The following CILK1 variants were observed in gnomAD, a reference collection of about 807,000 sequenced individuals.
The protein encoded by CILK1 is serine/threonine-protein kinase ICK.
CILK1 carries 47 observed loss-of-function variants against 79.2 expected under a neutral mutation model. The ratio of observed to expected loss-of-function variants is 0.59; its 90% CI spans 0.47 to 0.76. The LOEUF is 0.76. Among genes scored for constraint, CILK1 ranks in the 30% least tolerant of loss-of-function variants. The pLI, the probability that CILK1 is intolerant of heterozygous loss-of-function variation, is 0.00. For missense variants in CILK1, 660 were observed against 769.5 expected (o/e 0.86, Z 1.68); for synonymous variants, 266 against 275.9 (o/e 0.96, Z 0.36).
intron 1 of CILK1, among the ~76,000 whole-genome samples, chr6:53,044,787 T>TCCCCCACACA (rs372138691): frequency 5.3e-5 from 8 of 152,056 alleles, no homozygotes; most frequent in African/African-American, 1.9e-4. Flanking sequence ...CTTTTACCTC[T>TCCCCCACACA]CCCCCACACA....
At chr6:53,010,611 C>G (rs1371471738) in intron 11 of CILK1, among the ~76,000 whole-genome samples, 1 of 152,206 alleles carries the variant, frequency 6.6e-6, no homozygotes, top group Non-Finnish European at 1.5e-5. Context: ...TCTGCCATTC[C>G]TCTCACAGGA....
rs1344151929 is a variant in CILK1, at chr6:53,009,500, A to G, written c.1560T>C (p.Ser520=). 1 of 1,612,748 alleles carries G rather than the reference A, an allele frequency of 6.2e-7. No individual in the cohort carries two copies. The highest frequency in any genetic ancestry group is 8.5e-7 in the Non-Finnish European group (1 of 1,178,768). Residue 520 remains serine, a synonymous_variant, in exon 12 of 14, where the codon TCT becomes TCC. Transcript: ENST00000676107. ...GKEFIPPNPW[S]SSGLSGKSSG... The stretch of plus-strand genomic sequence containing the variant: ...AAGATTTTCCAGACAAGCCAGAACT[A>G]GACCATGGATTAGGTGGAATAAATT...
chr6:53,029,953 G>A (rs147036266), intron 5 of CILK1, among the ~76,000 whole-genome samples: 46 of 152,264 alleles, frequency 3.0e-4, no homozygotes, highest in African/African-American at 1.0e-3. Context: ...CTGTGGATAC[G>A]TCCATCTGGT....
intron 5 of CILK1, among the ~76,000 whole-genome samples, chr6:53,026,220 A>G (rs1765564572): frequency 6.6e-6 from 1 of 152,214 alleles, no homozygotes; most frequent in Admixed American, 6.5e-5. Flanking sequence ...GCTGGAGTAC[A>G]GTGGTGCCAT....
chr6:53,004,697 C>T lies in CILK1; in HGVS notation c.*452G>A. ...AATTTCACCACTTCATAAATATCTG[C>T]ACACACTGAGTAAATAACCCTCTAT... is the stretch of plus-strand genomic sequence containing the variant. On this transcript the variant is annotated 3_prime_UTR_variant, in exon 14 of 14. Coordinates refer to ENST00000676107, the MANE Select transcript of CILK1 (RefSeq NM_014920.5). 1 of 169,288 alleles carries T rather than the reference C, an allele frequency of 5.9e-6. No homozygotes were observed. Among genetic ancestry groups the T allele is most frequent in the South Asian group, 1.4e-4 (1 of 7,106 alleles). The allele number at this position is 169,288 out of a possible 1,614,324, so 10.5% of individuals were successfully genotyped here. A position where few individuals can be genotyped will look rare whatever the true frequency, so the allele number is the denominator to read the frequency against.
chr6:53,015,426 G>A (rs1022483116), intron 8 of CILK1, among the ~76,000 whole-genome samples: 2 of 152,132 alleles, frequency 1.3e-5, no homozygotes, highest in African/African-American at 2.4e-5. Context: ...TCATACTTCC[G>A]GTCAGTTGGT....
At chr6:53,030,006 T>A (rs1765831347) in intron 5 of CILK1, among the ~76,000 whole-genome samples, 1 of 152,140 alleles carries the variant, frequency 6.6e-6, no homozygotes, top group Admixed American at 6.5e-5. Context: ...CCCAGCTGGG[T>A]CTGTGTCTAG....
intron 1 of CILK1, among the ~76,000 whole-genome samples, chr6:53,043,334 A>G (rs1397683905): frequency 6.6e-6 from 1 of 151,206 alleles, no homozygotes; most frequent in African/African-American, 2.4e-5. Context: ...ATATATATAT[A>G]TTAAAAAATA....
chr6:53,040,218 C>T (rs1379847146), intron 2 of CILK1, among the ~76,000 whole-genome samples: 1 of 152,190 alleles, frequency 6.6e-6, no homozygotes, highest in African/African-American at 2.4e-5. Context: ...CCTTTTAGAA[C>T]CCCCTCTCCT....
At chr6:53,038,951 T>C (rs1385765922) in intron 2 of CILK1, among the ~76,000 whole-genome samples, 1 of 152,230 alleles carries the variant, frequency 6.6e-6, no homozygotes, top group Admixed American at 6.5e-5. Flanking sequence ...ATTTGTCTTA[T>C]AGCAGTCCTG....
Position 53,037,988 on chromosome 6 carries a change from T to C in CILK1, c.107A>G (p.Lys36Arg). The C allele has an allele frequency of 6.3e-7, 1 of 1,595,708 alleles. No homozygotes were observed. Among genetic ancestry groups the C allele is most frequent in the East Asian group, 2.2e-5 (1 of 44,736 alleles). ...SGELIAIKKMKRKFYSWEECM... is the reference protein window; with the variant it reads ...SGELIAIKKMRRKFYSWEECM... The stretch of plus-strand genomic sequence containing the variant: ...TTCCTCCCAGGAATAAAATTTTCTT[T>C]TCATTCTAGAAGAGAAGAAAGAAAC... Residue 36 changes from lysine to arginine, a missense_variant, in exon 3 of 14, where the codon AAA becomes AGA. Physicochemically the swap from Lys to Arg is conservative, Grantham distance 26. Transcript: ENST00000676107.
chr6:53,017,210 A>G (rs564052522), intron 7 of CILK1, among the ~76,000 whole-genome samples: 1 of 152,328 alleles, frequency 6.6e-6, no homozygotes, highest in African/African-American at 2.4e-5. Context: ...ATGATTAAAA[A>G]ATTTTTTTGA....
chr6:53,012,263 TG>T (rs1479226859), intron 9 of CILK1, 36 bp from the exon 10 acceptor site: 7 of 1,596,000 alleles, frequency 4.4e-6, no homozygotes, highest in Non-Finnish European at 4.3e-6. Context: ...AAGCAATACT[TG>T]GCATTAACAG....
intron 9 of CILK1, among the ~76,000 whole-genome samples, chr6:53,013,056 G>A (rs970761497): frequency 7.9e-5 from 12 of 152,154 alleles, no homozygotes; most frequent in Non-Finnish European, 1.3e-4. Context: ...TTAACACAGC[G>A]CTTTATGCTT....
rs1764158190 is a variant in CILK1 at position 53,005,329 on chromosome 6, T to C, written c.1745-26A>G. The C allele has an allele frequency of 3.1e-6, 5 of 1,613,664 alleles. No individual in the cohort carries two copies. The East Asian group carries it at 1.1e-4, about 36-fold the overall frequency. ...CTGCAATGAAAGAAAAAGGCCGGCA[T>C]GACTGATATGGGGCCAATGTAAGCA... On this transcript the variant is annotated intron_variant, in intron 13 of 13. Transcript: ENST00000676107.
intron 1 of CILK1, among the ~76,000 whole-genome samples, chr6:53,052,552 G>A (rs899315525): frequency 2.0e-5 from 3 of 152,022 alleles, no homozygotes; most frequent in South Asian, 2.1e-4. Flanking sequence ...CCAACATGGT[G>A]AAACCCTGTC....
intron 12 of CILK1, among the ~76,000 whole-genome samples, chr6:53,007,231 T>C (rs568175920): frequency 6.6e-6 from 1 of 152,308 alleles, no homozygotes; most frequent in South Asian, 2.1e-4. Flanking sequence ...AGTTGCTCTG[T>C]TTTCACAACA....
rs1013024803 is a variant in CILK1 at position 53,002,909 on chromosome 6, G to A, written c.*2240C>T. The A allele has an allele frequency of 1.2e-4, 18 of 152,382 alleles. No homozygotes were observed. Among genetic ancestry groups the A allele is most frequent in the African/African-American group, 4.3e-4 (18 of 41,392 alleles). The allele number at this position is 152,382 out of a possible 1,614,324, so 9.4% of individuals were successfully genotyped here. A position where few individuals can be genotyped will look rare whatever the true frequency, so the allele number is the denominator to read the frequency against. On this transcript the variant is annotated 3_prime_UTR_variant, in exon 14 of 14. Coordinates refer to ENST00000676107, the MANE Select transcript of CILK1 (RefSeq NM_014920.5). Reference sequence around the variant, plus strand: ...ATATAAGCTAGATTACTGAGACTATGGTATTAAACAATCCATTTGCTCCTC... The same window carrying A: ...ATATAAGCTAGATTACTGAGACTATAGTATTAAACAATCCATTTGCTCCTC...
At chr6:53,024,565 A>G (rs1247925909) in intron 5 of CILK1, among the ~76,000 whole-genome samples, 2 of 152,202 alleles carry the variant, frequency 1.3e-5, no homozygotes, top group African/African-American at 4.8e-5. Context: ...ACAAGCAGTG[A>G]TTACAGTGAT....
Sources: allele counts gnomAD v4.1 joint callset (sites outside exome capture counted in the v4.1 genomes callset), GRCh38; gene constraint gnomAD v4.1.1; transcripts MANE v1.5; gene names NCBI Gene and HGNC (gene_info 2026-07-23, HGNC 2026-07-21).